The following SEC14L1 variants were observed in gnomAD, a reference collection of about 807,000 sequenced individuals.
SEC14L1 encodes SEC14 like lipid binding 1.
SEC14L1 carries 48 observed loss-of-function variants against 85.3 expected under a neutral mutation model. That is an observed-to-expected ratio of 0.56 (90% CI 0.45 to 0.72). The LOEUF is 0.72. Ranked by LOEUF, SEC14L1 falls within the 30% of genes least tolerant of loss-of-function variation. SEC14L1 has a pLI of 0.00. For synonymous variants in SEC14L1, 391 were observed against 355.5 expected (o/e 1.10, Z -1.12); for missense variants, 682 against 921.4 (o/e 0.74, Z 3.36).
intron 7 of SEC14L1, 36 bp from the exon 8 acceptor site, chr17:77,196,166 G>A (rs1229349499): frequency 4.0e-6 from 6 of 1,517,810 alleles, no homozygotes; most frequent in Non-Finnish European, 5.5e-6. Flanking sequence ...AAGCTCCAGT[G>A]TTCTTTGTTG....
At chr17:77,174,315 G>A (rs977402948) in intron 3 of SEC14L1, among the ~76,000 whole-genome samples, 1 of 152,020 alleles carries the variant, frequency 6.6e-6, no homozygotes, top group African/African-American at 2.4e-5. Flanking sequence ...TTCCTTTGTG[G>A]GAATTTTCAG....
intron 3 of SEC14L1, among the ~76,000 whole-genome samples, chr17:77,106,339 C>T (rs1223568251): frequency 6.6e-6 from 1 of 152,126 alleles, no homozygotes; most frequent in South Asian, 2.1e-4. Flanking sequence ...TGAGACCAGC[C>T]TGGCCAATAT....
chr17:77,100,117 G>A (rs563884689), intron 3 of SEC14L1, among the ~76,000 whole-genome samples: 3 of 152,354 alleles, frequency 2.0e-5, no homozygotes, highest in South Asian at 2.1e-4. Flanking sequence ...TCCGAGGAGC[G>A]GGCGTGCTGC....
At chr17:77,095,981 G>A (rs955081139) in intron 3 of SEC14L1, among the ~76,000 whole-genome samples, 1 of 151,862 alleles carries the variant, frequency 6.6e-6, no homozygotes, top group Non-Finnish European at 1.5e-5. Context: ...GGAAGGTTTT[G>A]TGTGGCTGTC....
intron 3 of SEC14L1, among the ~76,000 whole-genome samples, chr17:77,095,912 A>ATCT (rs1433431060): frequency 6.6e-6 from 1 of 152,126 alleles, no homozygotes; most frequent in Non-Finnish European, 1.5e-5. Flanking sequence ...CAGGACTGGC[A>ATCT]TGCTGGGCAT....
At chr17:77,212,944 G>A (rs894854736) in intron 15 of SEC14L1, among the ~76,000 whole-genome samples, 1 of 152,246 alleles carries the variant, frequency 6.6e-6, no homozygotes, top group African/African-American at 2.4e-5. Context: ...TGGATGATTG[G>A]CAGCATGTCA....
intron 3 of SEC14L1, among the ~76,000 whole-genome samples, chr17:77,182,854 G>A (rs980965224): frequency 6.6e-6 from 1 of 152,240 alleles, no homozygotes; most frequent in African/African-American, 2.4e-5. Flanking sequence ...TAAAAATAGA[G>A]AAGCTTTCCA....
At chr17:77,105,084 G>A (rs1971878156) in intron 3 of SEC14L1, among the ~76,000 whole-genome samples, 1 of 152,118 alleles carries the variant, frequency 6.6e-6, no homozygotes, top group South Asian at 2.1e-4. Context: ...TTGAGTTTCT[G>A]ATGAGCCTTT....
At chr17:77,142,774 C>G (rs181474611) in intron 2 of SEC14L1, 24 bp downstream of exon 2, 53 of 152,248 alleles carry the variant, frequency 3.5e-4, no homozygotes, top group African/African-American at 1.2e-3. Context: ...ATTTTTCTTT[C>G]TCACTTTAAA....
At chr17:77,205,243 T>A in intron 10 of SEC14L1, 33 bp from the exon 11 acceptor site, 1 of 1,591,172 alleles carries the variant, frequency 6.3e-7, no homozygotes, top group Non-Finnish European at 8.6e-7. Context: ...CTTAAACTAA[T>A]CATGGTAAAT....
rs568539469 is a variant in SEC14L1 at position 77,194,967 on chromosome 17, G to T, written c.709+56G>T. 86 of 1,313,736 alleles carry T rather than the reference G, an allele frequency of 6.5e-5. No homozygotes were observed. In the East Asian group the frequency reaches 1.9e-3, roughly 29 times the overall value. 81.4% of individuals were successfully genotyped at this position (1,313,736 alleles called of 1,614,324 possible). On this transcript the variant is annotated intron_variant, in intron 7 of 16. Transcript: ENST00000436233. The stretch of plus-strand genomic sequence containing the variant: ...CAAGGCTAGGGAAGTCGGCGTTGCC[G>T]TTTTCTCTCTGTTTGCTCTGCCTGT...
At chr17:77,131,217 G>A (rs2143446526) in intron 3 of SEC14L1, among the ~76,000 whole-genome samples, 1 of 152,338 alleles carries the variant, frequency 6.6e-6, no homozygotes, top group South Asian at 2.1e-4. Context: ...ACTGCTAGGT[G>A]TCTGTCCTAT....
rs1185601781 is a variant in SEC14L1, at chr17:77,216,085, G to A, written c.*2062G>A. ...TAGGTAGGGCTAGTAGGTAGGGTTAGTAGGTAGGGCTAGTAGGTAGGGTTC... is the reference window on the plus strand; with the variant it reads ...TAGGTAGGGCTAGTAGGTAGGGTTAATAGGTAGGGCTAGTAGGTAGGGTTC... On this transcript the variant is annotated 3_prime_UTR_variant, in exon 17 of 17. Transcript: ENST00000436233. 9.8e-7 allele frequency: 1 copy of A among 1,021,422 alleles called. No individual in the cohort carries two copies. Among genetic ancestry groups the A allele is most frequent in the Non-Finnish European group, 1.2e-6 (1 of 856,844 alleles). 63.3% of individuals were successfully genotyped at this position (1,021,422 alleles called of 1,614,324 possible).
chr17:77,202,776 C>T (rs1008415414), intron 9 of SEC14L1, among the ~76,000 whole-genome samples: 10 of 151,226 alleles, frequency 6.6e-5, no homozygotes, highest in South Asian at 2.1e-4. Context: ...AAAAATTAGC[C>T]GGGCATGGCA....
At position 77,216,705 on chromosome 17, in the gene SEC14L1, T is replaced by C; in HGVS notation, c.*2682T>C. Reference sequence around the variant, plus strand: ...AAGTTGATTCGGGAGTGGCATTCTTTTATACCCAAAGACTGTAGTGCATCT... The same window carrying C: ...AAGTTGATTCGGGAGTGGCATTCTTCTATACCCAAAGACTGTAGTGCATCT... On this transcript the variant is annotated 3_prime_UTR_variant, in exon 17 of 17. Coordinates refer to ENST00000436233, the MANE Select transcript of SEC14L1 (RefSeq NM_001143998.2). The C allele has an allele frequency of 6.8e-7, 1 of 1,469,762 alleles. No homozygotes were observed. Among genetic ancestry groups the C allele is most frequent in the Non-Finnish European group, 9.4e-7 (1 of 1,065,178 alleles). 91.0% of individuals were successfully genotyped at this position (1,469,762 alleles called of 1,614,324 possible).
At chr17:77,094,560 C>G (rs1971594667) in intron 3 of SEC14L1, 1 of 152,330 alleles carries the variant, frequency 6.6e-6, no homozygotes, top group Non-Finnish European at 1.5e-5. Flanking sequence ...CTCCACCTCC[C>G]AGGTTCAAGC....
chr17:77,125,745 C>T (rs748163176), intron 3 of SEC14L1, among the ~76,000 whole-genome samples: 1 of 152,216 alleles, frequency 6.6e-6, no homozygotes, highest in Admixed American at 6.5e-5. Context: ...GGCCATCCCA[C>T]GTGCCTTATG....
chr17:77,103,448 G>GTTGTT (rs1384256155), intron 3 of SEC14L1, among the ~76,000 whole-genome samples: 7 of 148,476 alleles, frequency 4.7e-5, no homozygotes, highest in African/African-American at 1.5e-4. Flanking sequence ...TTTTTTTGTT[G>GTTGTT]TTGTTTTGTT....
chr17:77,175,786 G>T (rs74630607), intron 3 of SEC14L1, among the ~76,000 whole-genome samples: 2 of 152,182 alleles, frequency 1.3e-5, no homozygotes, highest in Non-Finnish European at 2.9e-5. Flanking sequence ...GGCTGTGCCT[G>T]TTGCTGCCTC....
Sources: allele counts gnomAD v4.1 joint callset (sites outside exome capture counted in the v4.1 genomes callset), GRCh38; gene constraint gnomAD v4.1.1; transcripts MANE v1.5; gene names NCBI Gene and HGNC (gene_info 2026-07-23, HGNC 2026-07-21).